The following SLC2A1 variants were observed in gnomAD, a reference collection of about 807,000 sequenced individuals.
The protein encoded by SLC2A1 is solute carrier family 2 member 1.
SLC2A1 carries 4 observed loss-of-function variants against 46.6 expected under a neutral mutation model. The ratio of observed to expected loss-of-function variants is 0.09; its 90% CI spans 0.04 to 0.20. The LOEUF (loss-of-function observed/expected upper bound fraction) is 0.20, where lower values mean the gene tolerates loss of function less well. Among genes scored for constraint, SLC2A1 ranks in the 10% least tolerant of loss-of-function variants. The pLI is 1.00. For synonymous variants in SLC2A1, 253 were observed against 270.0 expected, an observed-to-expected ratio of 0.94 and a Z score of 0.62; for missense variants, 352 against 667.0, an observed-to-expected ratio of 0.53 and a Z score of 5.20.
intron 2 of SLC2A1, among the ~76,000 whole-genome samples, chr1:42,935,996 C>A (rs887496408): frequency 6.6e-6 from 1 of 152,194 alleles, no homozygotes; most frequent in African/African-American, 2.4e-5. Context: ...TCATGGGTTG[C>A]ACAAAAACAG....
intron 1 of SLC2A1, among the ~76,000 whole-genome samples, chr1:42,944,580 A>G (rs895078274): frequency 3.3e-5 from 5 of 151,838 alleles, no homozygotes; most frequent in Non-Finnish European, 5.9e-5. Context: ...CCCTGGGCAT[A>G]GCTGTTACCA....
chr1:42,947,653 C>T (rs7512557), intron 1 of SLC2A1, among the ~76,000 whole-genome samples: 21,513 of 148,202 alleles, frequency 0.15, 1,751 homozygotes, highest in South Asian at 0.19. Flanking sequence ...GCCTGGGAGG[C>T]AGAAGTTGCA....
rs761171005 is a variant in SLC2A1, at chr1:42,927,841, G to A, written c.1075-33C>T. 4.5e-6 allele frequency: 7 copies of A among 1,538,498 alleles called. No homozygotes were observed. In the South Asian group the frequency reaches 6.9e-5, roughly 15 times the overall value. On this transcript the variant is annotated intron_variant, in intron 8 of 9. Transcript: ENST00000426263. This position sits in a 1 kb window ranked among gnomAD's most constrained non-coding sequence, Gnocchi z 5.3. ...GGATGACGGAGAGGGGGAAAAGTTA[G>A]ACTGGGTTGTGATGGATCCTCAGGG...
At chr1:42,945,579 C>A (rs556910510) in intron 1 of SLC2A1, among the ~76,000 whole-genome samples, 54 of 152,042 alleles carry the variant, frequency 3.6e-4, no homozygotes, top group African/African-American at 1.2e-3. Context: ...AAAACCCTGT[C>A]TCTACTAAAA....
At chr1:42,937,119 C>G (rs1008239314) in intron 2 of SLC2A1, among the ~76,000 whole-genome samples, 1 of 152,248 alleles carries the variant, frequency 6.6e-6, no homozygotes, top group Non-Finnish European at 1.5e-5. Flanking sequence ...CACCCTCTCC[C>G]TCTTCCTTCC....
chr1:42,957,667 T>G (rs896334925), intron 1 of SLC2A1, among the ~76,000 whole-genome samples: 5 of 152,102 alleles, frequency 3.3e-5, no homozygotes, highest in African/African-American at 1.2e-4. Context: ...ACAAACAATT[T>G]GTTGAAAAGA....
chr1:42,940,182 C>T (rs771991401), intron 2 of SLC2A1, among the ~76,000 whole-genome samples: 9 of 152,234 alleles, frequency 5.9e-5, no homozygotes, highest in Non-Finnish European at 1.2e-4. Flanking sequence ...CCCTCTCCCA[C>T]CAACTCTTTT....
chr1:42,948,698 G>C (rs74742820), intron 1 of SLC2A1, among the ~76,000 whole-genome samples: 22,022 of 151,980 alleles, frequency 0.14, 1,792 homozygotes, highest in South Asian at 0.18. Context: ...GTAGGCCGAG[G>C]CGGGCGGATT....
Position 42,927,749 on chromosome 1 carries a change from G to T in SLC2A1, c.1134C>A (p.Phe378Leu). The T allele has an allele frequency of 6.2e-7, 1 of 1,614,122 alleles. No homozygotes were observed. Among genetic ancestry groups the T allele is most frequent in the Non-Finnish European group, 8.5e-7 (1 of 1,180,004 alleles). Residue 378 changes from phenylalanine to leucine, a missense_variant, in exon 9 of 10, where the codon TTC becomes TTA. By Grantham distance (22) the Phe-to-Leu change is conservative. Transcript: ENST00000426263. This position sits in a 1 kb window ranked among gnomAD's most constrained non-coding sequence, Gnocchi z 5.3. ...SIVAIFGFVA[F>L]FEVGPGPIPW... is the part of the protein sequence containing the mutation. Reference sequence around the variant, plus strand: ...GGATGGGGCCAGGACCCACTTCAAAGAAGGCCACAAAGCCAAAGATGGCCA... The same window carrying T: ...GGATGGGGCCAGGACCCACTTCAAATAAGGCCACAAAGCCAAAGATGGCCA...
chr1:42,928,899 G>T, intron 8 of SLC2A1, 33 bp downstream of exon 8: 2 of 1,579,390 alleles, frequency 1.3e-6, no homozygotes, highest in East Asian at 2.2e-5. Flanking sequence ...AAACTCTCCC[G>T]CATCCCTCAC....
rs147320081 is a variant in SLC2A1 at position 42,944,652 on chromosome 1, A to C, written c.19-1331T>G. On this transcript the variant is annotated intron_variant, in intron 1 of 9. Transcript: ENST00000426263. ...GCGTCAGTCAGGGCAACGACTGCAA[A>C]AGCCAAGGCTCTCACATCAGAGGCT... 3.3e-3 allele frequency among the ~76,000 whole-genome samples: 510 copies of C among 152,278 alleles called. 2 individuals carry two copies. The highest frequency in any genetic ancestry group is 0.012 in the African/African-American group (499 of 41,560).
At position 42,927,485 on chromosome 1, in the gene SLC2A1, GGCTTCCTACCCTCA is replaced by G; in HGVS notation, c.1278+106_1278+119del. On this transcript the variant is annotated intron_variant, in intron 9 of 9. Coordinates refer to ENST00000426263, the MANE Select transcript of SLC2A1 (RefSeq NM_006516.4). This position sits in a 1 kb window ranked among gnomAD's most constrained non-coding sequence, Gnocchi z 5.3. ...TCAGCATTCTTGGTCATGTGACCTG[GGCTTCCTACCCTCA>G]GTTTCCTCCTCAGCATGATTCCTAA... 1 of 1,039,560 alleles carries G rather than the reference GGCTTCCTACCCTCA, an allele frequency of 9.6e-7. No homozygotes were observed. Among genetic ancestry groups the G allele is most frequent in the Admixed American group, 2.0e-5 (1 of 50,586 alleles). The allele number at this position is 1,039,560 out of a possible 1,614,324, so 64.4% of individuals were successfully genotyped here.
intron 1 of SLC2A1, among the ~76,000 whole-genome samples, chr1:42,950,948 T>C (rs113106184): frequency 0.01 from 1,532 of 152,242 alleles, 28 homozygotes; most frequent in African/African-American, 0.035. Context: ...GCACTCCAGC[T>C]TGGGCAACAA....
chr1:42,927,309 A>G lies in SLC2A1; in HGVS notation c.1279-68T>C. 2.7e-6 allele frequency: 4 copies of G among 1,466,886 alleles called. No individual in the cohort carries two copies. The Admixed American group carries it at 6.9e-5, about 25-fold the overall frequency. The allele number at this position is 1,466,886 out of a possible 1,614,324, so 90.9% of individuals were successfully genotyped here. A position where few individuals can be genotyped will look rare whatever the true frequency, so the allele number is the denominator to read the frequency against. ...CATCCTGGCTGTAGGACTTTGGATA[A>G]GTCACTTTACCTTTGGGCCTTTGAG... On this transcript the variant is annotated intron_variant, in intron 9 of 9. Transcript: ENST00000426263. This position sits in a 1 kb window ranked among gnomAD's most constrained non-coding sequence, Gnocchi z 5.3.
Position 42,929,164 on chromosome 1 carries a change from C to T in SLC2A1, c.972+46G>A. The T allele has an allele frequency of 1.3e-6, 2 of 1,566,882 alleles. No homozygotes were observed. The highest frequency in any genetic ancestry group is 1.1e-5 in the South Asian group (1 of 90,136). On this transcript the variant is annotated intron_variant, in intron 7 of 9. Transcript: ENST00000426263. The surrounding 1 kb of genome is among the most constrained non-coding windows in gnomAD (Gnocchi z 6.0). ...AGACCAGTGGGGAAGATGGCACTGC[C>T]TCCTCCCTGGGGTTTGGCTGGGGGG...
rs57157938 is a variant in SLC2A1, at chr1:42,957,592, T to A, written c.18+1042A>T. ...TCAAAAGAAAAAGGGGACTTGAAAA[T>A]ATTGTAGACTAGGGGGAGGAAAGGA... On this transcript the variant is annotated intron_variant, in intron 1 of 9. Coordinates refer to ENST00000426263, the MANE Select transcript of SLC2A1 (RefSeq NM_006516.4). Among the ~76,000 whole-genome samples the A allele has an allele frequency of 2.0e-5, 3 of 151,790 alleles. No homozygotes were observed. In the South Asian group the frequency reaches 6.2e-4, roughly 31 times the overall value.
chr1:42,951,722 C>T (rs1191492567), intron 1 of SLC2A1: 1 of 396,172 alleles, frequency 2.5e-6, no homozygotes, highest in East Asian at 3.6e-5. Context: ...TTATTGGACA[C>T]AGCTTGGATG....
intron 1 of SLC2A1, among the ~76,000 whole-genome samples, chr1:42,953,717 G>A (rs950068103): frequency 2.6e-5 from 4 of 152,178 alleles, no homozygotes; most frequent in Non-Finnish European, 5.9e-5. Context: ...GCTCTGGGCC[G>A]ACACCCCGTG....
At chr1:42,945,636 T>C (rs1201858536) in intron 1 of SLC2A1, among the ~76,000 whole-genome samples, 1 of 149,942 alleles carries the variant, frequency 6.7e-6, no homozygotes, top group Non-Finnish European at 1.5e-5. Flanking sequence ...TAGTCCCAAC[T>C]ACTTGGGAGG....
Sources: allele counts gnomAD v4.1 joint callset (sites outside exome capture counted in the v4.1 genomes callset), GRCh38; gene constraint gnomAD v4.1.1; non-coding constraint Gnocchi (gnomAD v3.1); transcripts MANE v1.5; gene names NCBI Gene and HGNC (gene_info 2026-07-23, HGNC 2026-07-21).